Variants in SMAD5 observed in about 807,000 individuals in gnomAD.
The protein encoded by SMAD5 is MAD, mothers against decapentaplegic homolog 5.
A neutral mutation model predicts 43.1 loss-of-function variants in SMAD5; 9 were observed. That is an observed-to-expected ratio of 0.21 (90% CI 0.13 to 0.36). The LOEUF is 0.36. Ranked by LOEUF, SMAD5 falls within the 10% of genes least tolerant of loss-of-function variation. The pLI, the probability that SMAD5 is intolerant of heterozygous loss-of-function variation, is 1.00. For synonymous variants in SMAD5, 190 were observed against 192.4 expected, an observed-to-expected ratio of 0.99 and a Z score of 0.10; for missense variants, 348 against 574.0, an observed-to-expected ratio of 0.61 and a Z score of 4.02.
chr5:136,177,449 C>T lies in SMAD5; in HGVS notation c.1367C>T (p.Ser456Phe). 6.2e-7 allele frequency: 1 copy of T among 1,612,038 alleles called. No homozygotes were observed. The highest frequency in any genetic ancestry group is 8.5e-7 in the Non-Finnish European group (1 of 1,178,782). The change falls in exon 8 of 8, where the codon TCC becomes TTC. Residue 456 changes from serine to phenylalanine, a missense_variant. Transcript: ENST00000545279. ...GATAAAGTCCTTACTCAGATGGGCT[C>T]CCCTCTGAACCCCATATCTTCTGTT... ...WLDKVLTQMG[S>F]PLNPISSVS
chr5:136,145,294 T>G (rs1038277563), intron 1 of SMAD5, among the ~76,000 whole-genome samples: 6 of 151,906 alleles, frequency 3.9e-5, no homozygotes, highest in African/African-American at 7.2e-5. Flanking sequence ...ACTTCTCGTG[T>G]TGAGTAATTG....
intron 1 of SMAD5, among the ~76,000 whole-genome samples, chr5:136,146,681 G>C (rs562038269): frequency 9.0e-4 from 137 of 151,796 alleles, no homozygotes; most frequent in African/African-American, 3.3e-3. Context: ...TTTGGACCAA[G>C]GTGTTATTTT....
chr5:136,141,897 C>G (rs1753092741), intron 1 of SMAD5, among the ~76,000 whole-genome samples: 1 of 152,164 alleles, frequency 6.6e-6, no homozygotes, highest in Non-Finnish European at 1.5e-5. Flanking sequence ...TGTAAATCCT[C>G]TCTTTAGTAA....
chr5:136,166,744 A>T (rs181455980), intron 5 of SMAD5, among the ~76,000 whole-genome samples: 45 of 152,256 alleles, frequency 3.0e-4, no homozygotes, highest in African/African-American at 1.0e-3. Flanking sequence ...AAAAATATGG[A>T]CTGTATTTAC....
At position 136,172,716 on chromosome 5, in the gene SMAD5, C is replaced by T. The variant is rs763537845; in HGVS notation, c.997+61C>T. ...AATCATTTGTTGTACTTGCCATGAA[C>T]CATGCATTGTGAAAGGTGCTAGAAA... On this transcript the variant is annotated intron_variant, in intron 6 of 7. Coordinates refer to ENST00000545279, the MANE Select transcript of SMAD5 (RefSeq NM_005903.7). 2.8e-5 allele frequency: 32 copies of T among 1,144,338 alleles called. No homozygotes were observed. The South Asian group carries it at 3.1e-4, about 11-fold the overall frequency. The allele number at this position is 1,144,338 out of a possible 1,614,324, so 70.9% of individuals were successfully genotyped here.
rs187271295 is a variant in SMAD5, at chr5:136,152,291, T to G, written c.-169-1301T>G. On this transcript the variant is annotated intron_variant, in intron 2 of 7. Transcript: ENST00000545279. ...GAGATTAAACCCTACTTGGCATAAC[T>G]TTTTTTAAAAAGCCCCATCATGGCT... Among the ~76,000 whole-genome samples the G allele has an allele frequency of 2.2e-4, 33 of 152,234 alleles. 1 individual carries two copies. The Middle Eastern group carries it at 0.017, about 78-fold the overall frequency.
chr5:136,149,983 T>C (rs1561644661), intron 2 of SMAD5, among the ~76,000 whole-genome samples: 1 of 151,864 alleles, frequency 6.6e-6, no homozygotes, highest in Non-Finnish European at 1.5e-5. Flanking sequence ...TTTCTTTGTT[T>C]ACATTCTCTT....
At chr5:136,175,256 G>A (rs2149781999) in intron 7 of SMAD5, among the ~76,000 whole-genome samples, 1 of 152,284 alleles carries the variant, frequency 6.6e-6, no homozygotes, top group African/African-American at 2.4e-5. Flanking sequence ...TACAATTTAA[G>A]ATGAGATTTG....
At position 136,178,348 on chromosome 5, in the gene SMAD5, T is replaced by TTTTAGCA. The variant is rs1754500949; in HGVS notation, c.*870_*876dup. 1.3e-5 allele frequency: 2 copies of TTTTAGCA among 152,742 alleles called. No homozygotes were observed. The highest frequency in any genetic ancestry group is 2.9e-5 in the Non-Finnish European group (2 of 68,030). 9.5% of individuals were successfully genotyped at this position (152,742 alleles called of 1,614,324 possible). A position where few individuals can be genotyped will look rare whatever the true frequency, so the allele number is the denominator to read the frequency against. On this transcript the variant is annotated 3_prime_UTR_variant, in exon 8 of 8. Transcript: ENST00000545279. ...ATTTTGCACTTTTATGGGTGACAGTTTTTAGCATAACCTTTGATAAAATAC... is the reference window on the plus strand; with the variant it reads ...ATTTTGCACTTTTATGGGTGACAGTTTTTAGCATTTAGCATAACCTTTGATAAAATAC...
intron 3 of SMAD5, among the ~76,000 whole-genome samples, chr5:136,157,019 T>C (rs1358566853): frequency 6.6e-6 from 1 of 152,078 alleles, no homozygotes; most frequent in Non-Finnish European, 1.5e-5. Flanking sequence ...ATTAATAAAG[T>C]AGTAGAAGGT....
intron 3 of SMAD5, among the ~76,000 whole-genome samples, chr5:136,158,454 G>A (rs1197418936): frequency 6.6e-6 from 1 of 152,152 alleles, no homozygotes; most frequent in African/African-American, 2.4e-5. Context: ...ATACATGCAG[G>A]AAGTCAAGAA....
rs190086166 is a variant in SMAD5 at position 136,156,980 on chromosome 5, C to T, written c.403+2817C>T. Among the ~76,000 whole-genome samples the T allele has an allele frequency of 9.0e-4, 137 of 152,230 alleles. No homozygotes were observed. In the Middle Eastern group the frequency reaches 0.014, roughly 15 times the overall value. ...ACCCCCCATGATTAAGCAGCTATGA[C>T]GCAGAATGGATCACTTCATATTACC... On this transcript the variant is annotated intron_variant, in intron 3 of 7. Coordinates refer to ENST00000545279, the MANE Select transcript of SMAD5 (RefSeq NM_005903.7).
At chr5:136,141,643 A>G (rs1035221081) in intron 1 of SMAD5, among the ~76,000 whole-genome samples, 14 of 152,212 alleles carry the variant, frequency 9.2e-5, no homozygotes, top group Non-Finnish European at 1.9e-4. Flanking sequence ...TAGGTGCTCA[A>G]TAAGTGTTTA....
At position 136,166,252 on chromosome 5, in the gene SMAD5, C is replaced by A. The variant is rs144662145; in HGVS notation, c.775+2861C>A. Among the ~76,000 whole-genome samples the A allele has an allele frequency of 4.8e-4, 72 of 151,364 alleles. 1 individual carries two copies. The highest frequency in any genetic ancestry group is 1.6e-3 in the African/African-American group (68 of 41,260). On this transcript the variant is annotated intron_variant, in intron 5 of 7. Coordinates refer to ENST00000545279, the MANE Select transcript of SMAD5 (RefSeq NM_005903.7). ...GCTTTAATGCCACTTTGGTTTGAGA[C>A]CTTAACCTCCTTAGTTTGTCCCAAG...
intron 1 of SMAD5, among the ~76,000 whole-genome samples, chr5:136,140,616 T>C (rs1211170309): frequency 6.6e-6 from 1 of 152,048 alleles, no homozygotes; most frequent in East Asian, 1.9e-4. Flanking sequence ...TTTATTTCCT[T>C]AACATTTTAA....
intron 3 of SMAD5, among the ~76,000 whole-genome samples, chr5:136,157,711 G>C (rs1753685809): frequency 6.6e-6 from 1 of 152,184 alleles, no homozygotes; most frequent in Non-Finnish European, 1.5e-5. Flanking sequence ...GCGGAGTTCA[G>C]GCGGTAGTGA....
At position 136,177,497 on chromosome 5, in the gene SMAD5, T is replaced by C; in HGVS notation, c.*17T>C. On this transcript the variant is annotated 3_prime_UTR_variant, in exon 8 of 8. Transcript: ENST00000545279. ...GTTTCATAATGCAGAAGTATTCTTT[T>C]CAATTATATTGTTAGTGGACTTGTT... is the stretch of plus-strand genomic sequence containing the variant. 4 of 1,584,426 alleles carry C rather than the reference T, an allele frequency of 2.5e-6. No individual in the cohort carries two copies. Among genetic ancestry groups the C allele is most frequent in the Non-Finnish European group, 3.4e-6 (4 of 1,162,326 alleles).
chr5:136,165,687 T>A (rs1753981851), intron 5 of SMAD5, among the ~76,000 whole-genome samples: 1 of 141,438 alleles, frequency 7.1e-6, no homozygotes, highest in African/African-American at 2.7e-5. Context: ...TTTTTTTTTT[T>A]TTTTTTTTTT....
intron 3 of SMAD5, among the ~76,000 whole-genome samples, chr5:136,157,689 A>G (rs1753685199): frequency 6.6e-6 from 1 of 152,084 alleles, no homozygotes; most frequent in Admixed American, 6.5e-5. Context: ...GCTGCTACTG[A>G]TCTGACAGGA....
Sources: gnomAD v4.1 joint callset for allele counts (sites outside exome capture counted in the v4.1 genomes callset) on GRCh38, gnomAD v4.1.1 for gene constraint, MANE v1.5 for transcripts, NCBI Gene and HGNC (gene_info 2026-07-23, HGNC 2026-07-21) for gene names.